The following TRAK1 variants were observed in gnomAD, a reference collection of about 807,000 sequenced individuals.
TRAK1 encodes the protein trafficking kinesin protein 1, also known as trafficking kinesin-binding protein 1.
A neutral mutation model predicts 92.1 loss-of-function variants in TRAK1; 33 were observed. That is an observed-to-expected ratio of 0.36 (90% CI 0.27 to 0.48). TRAK1 has a LOEUF of 0.48. TRAK1 is among the 20% of genes least tolerant of loss of function. The probability of loss-of-function intolerance (pLI) is 0.99; values close to 1 mark genes in which losing one functional copy is unlikely to be tolerated. For missense variants in TRAK1, 1,123 were observed against 1,257.9 expected, an observed-to-expected ratio of 0.89 and a Z score of 1.62; for synonymous variants, 521 against 517.3, an observed-to-expected ratio of 1.01 and a Z score of -0.10.
intron 4 of TRAK1, among the ~76,000 whole-genome samples, chr3:42,185,632 A>C (rs1205673077): frequency 6.6e-6 from 1 of 151,298 alleles, no homozygotes; most frequent in Non-Finnish European, 1.5e-5. Flanking sequence ...TAACTGTGAC[A>C]ACACTTCTCC....
At chr3:42,187,222 G>A (rs890544726) in intron 4 of TRAK1, among the ~76,000 whole-genome samples, 14 of 152,118 alleles carry the variant, frequency 9.2e-5, no homozygotes, top group African/African-American at 3.4e-4. Flanking sequence ...CCTTGTGAGG[G>A]TGCATCACAG....
intron 1 of TRAK1, among the ~76,000 whole-genome samples, chr3:42,043,772 C>G (rs1702649050): frequency 6.6e-6 from 1 of 150,558 alleles, no homozygotes; most frequent in South Asian, 2.1e-4. Context: ...ACCCACCCCA[C>G]CCCCCCGCCA....
intron 1 of TRAK1, among the ~76,000 whole-genome samples, chr3:42,106,332 A>C (rs1183970467): frequency 6.6e-6 from 1 of 152,198 alleles, no homozygotes; most frequent in Non-Finnish European, 1.5e-5. Context: ...AAGATCTACC[A>C]AGCAAATGGA....
chr3:42,122,357 T>TC (rs1291215139), intron 1 of TRAK1, among the ~76,000 whole-genome samples: 1 of 151,918 alleles, frequency 6.6e-6, no homozygotes, highest in Non-Finnish European at 1.5e-5. Context: ...TTTTTTTTTT[T>TC]CTGGAGTCTG....
intron 1 of TRAK1, among the ~76,000 whole-genome samples, chr3:42,123,640 T>C (rs1380976247): frequency 3.3e-5 from 5 of 152,384 alleles, no homozygotes; most frequent in Middle Eastern, 3.4e-3. Flanking sequence ...CCTCATACTT[T>C]TGGTTCGTCC....
At chr3:42,049,751 T>C (rs893105157) in intron 1 of TRAK1, among the ~76,000 whole-genome samples, 3 of 152,352 alleles carry the variant, frequency 2.0e-5, no homozygotes, top group East Asian at 1.9e-4. Context: ...TTTGTAGCTT[T>C]CAAAAGCCCC....
intron 2 of TRAK1, among the ~76,000 whole-genome samples, chr3:42,134,740 G>A (rs1367995274): frequency 2.6e-5 from 4 of 151,652 alleles, no homozygotes; most frequent in African/African-American, 4.8e-5. Context: ...GCGCACGCCC[G>A]GCTAATTTTT....
intron 1 of TRAK1, among the ~76,000 whole-genome samples, chr3:42,032,779 C>CA (rs1702197290): frequency 6.6e-6 from 1 of 152,142 alleles, no homozygotes; most frequent in Non-Finnish European, 1.5e-5. Context: ...CACTGGCTGC[C>CA]AGGCATAGCG....
intron 2 of TRAK1, among the ~76,000 whole-genome samples, chr3:42,138,228 A>C (rs927729211): frequency 6.6e-6 from 1 of 152,200 alleles, no homozygotes; most frequent in Non-Finnish European, 1.5e-5. Context: ...TTTAAATTAC[A>C]CAGGACTTTT....
chr3:42,143,079 TTGC>T (rs1319586660), intron 2 of TRAK1, among the ~76,000 whole-genome samples: 1 of 152,216 alleles, frequency 6.6e-6, no homozygotes, highest in Non-Finnish European at 1.5e-5. Flanking sequence ...GAATGTTGAC[TTGC>T]TGCTGATGGA....
rs1317244633 is a variant in TRAK1, at chr3:42,223,967, A to G, written c.*230A>G. The G allele has an allele frequency of 1.6e-6, 1 of 640,484 alleles. No homozygotes were observed. The highest frequency in any genetic ancestry group is 3.0e-5 in the East Asian group (1 of 33,512). 39.7% of individuals were successfully genotyped at this position (640,484 alleles called of 1,614,324 possible). On this transcript the variant is annotated 3_prime_UTR_variant, in exon 16 of 16. Transcript: ENST00000327628. This position sits in a 1 kb window ranked among gnomAD's most constrained non-coding sequence, Gnocchi z 6.1. ...CCGCCCTGCTCTTTCTTCCGATCCC[A>G]CAGGAAGTGCCCCTGCACTGTCATC...
intron 14 of TRAK1, among the ~76,000 whole-genome samples, chr3:42,212,968 C>T (rs1439327811): frequency 6.6e-6 from 1 of 152,042 alleles, no homozygotes; most frequent in Non-Finnish European, 1.5e-5. Context: ...GGGGAGATAT[C>T]CTCAAAAACT....
At chr3:42,111,459 G>A (rs1486434178) in intron 1 of TRAK1, among the ~76,000 whole-genome samples, 2 of 151,134 alleles carry the variant, frequency 1.3e-5, no homozygotes, top group Non-Finnish European at 2.9e-5. Context: ...GCGGTGGCGC[G>A]ATCTTGGCTT....
chr3:42,197,461 C>A (rs1706916323), intron 10 of TRAK1, among the ~76,000 whole-genome samples: 1 of 152,000 alleles, frequency 6.6e-6, no homozygotes, highest in Non-Finnish European at 1.5e-5. Context: ...TTTTTCCCCC[C>A]AAATTTTCTA....
chr3:42,091,529 C>T lies in TRAK1; in HGVS notation c.60C>T (p.Cys20=). The T allele has an allele frequency of 1.2e-6, 2 of 1,612,934 alleles. No individual in the cohort carries two copies. Among genetic ancestry groups the T allele is most frequent in the Non-Finnish European group, 1.7e-6 (2 of 1,179,736 alleles). Residue 20 remains cysteine, a synonymous_variant, in exon 1 of 16, where the codon TGC becomes TGT. Coordinates refer to ENST00000327628, the MANE Select transcript of TRAK1 (RefSeq NM_001042646.3). ...PVRAQPLPGL[C]HGKLIRTNAC... ...GGGCTCAGCCTCTGCCAGGACTCTG[C>T]CACGGCAAGCTCATTCGGACAAACG...
chr3:42,187,053 TTAAAAACC>T (rs1704990272), intron 4 of TRAK1, among the ~76,000 whole-genome samples: 2 of 152,200 alleles, frequency 1.3e-5, no homozygotes, highest in African/African-American at 4.8e-5. Flanking sequence ...CCAACTTTAT[TTAAAAACC>T]TTAAGTACAA....
At chr3:42,204,985 G>C (rs985388984) in intron 13 of TRAK1, among the ~76,000 whole-genome samples, 1 of 152,138 alleles carries the variant, frequency 6.6e-6, no homozygotes, top group Non-Finnish European at 1.5e-5. Context: ...TGCTGACACA[G>C]AAGTCAGCCT....
rs373862075 is a variant in TRAK1, at chr3:42,024,818, A to G, written c.-519+10701A>G. Among the ~76,000 whole-genome samples, 7 of 152,292 alleles carry G rather than the reference A, an allele frequency of 4.6e-5. No homozygotes were observed. The South Asian group carries it at 6.2e-4, about 14-fold the overall frequency. On this transcript the variant is annotated intron_variant, in intron 1 of 16. Coordinates refer to the TRAK1 transcript ENST00000487159. ...TGTCTTTTTCTGGTGAATAAACCCC[A>G]TACGTCTTACCATAGCCATTTGACT...
intron 1 of TRAK1, among the ~76,000 whole-genome samples, chr3:42,034,641 C>G (rs1265121788): frequency 6.6e-6 from 1 of 152,170 alleles, no homozygotes; most frequent in Non-Finnish European, 1.5e-5. Flanking sequence ...GATTACTGTT[C>G]TAGACTTTCC....
Sources: allele counts gnomAD v4.1 joint callset (sites outside exome capture counted in the v4.1 genomes callset), GRCh38; gene constraint gnomAD v4.1.1; non-coding constraint Gnocchi (gnomAD v3.1); transcripts MANE v1.5; gene names NCBI Gene and HGNC (gene_info 2026-07-23, HGNC 2026-07-21).